The following DOCK8 variants were observed in gnomAD, a reference collection of about 807,000 sequenced individuals.
The protein encoded by DOCK8 is dedicator of cytokinesis protein 8.
DOCK8 carries 141 observed loss-of-function variants against 245.6 expected under a neutral mutation model. That is an observed-to-expected ratio of 0.57 (90% CI 0.50 to 0.66). DOCK8 has a LOEUF of 0.66. Ranked by LOEUF, DOCK8 falls within the 30% of genes least tolerant of loss-of-function variation. The pLI is 0.00. For synonymous variants in DOCK8, 1,168 were observed against 970.2 expected, an observed-to-expected ratio of 1.20 and a Z score of -3.79; for missense variants, 2,965 against 2,603.4, an observed-to-expected ratio of 1.14 and a Z score of -3.02.
In DOCK8 at chr9:338,996, C is replaced by A; in HGVS notation, c.1423-10C>A. On this transcript the variant is annotated splice_polypyrimidine_tract_variant and intron_variant, in intron 12 of 47. Coordinates refer to ENST00000432829, the MANE Select transcript of DOCK8 (RefSeq NM_203447.4). ...TGCATCTACATTAACTCTGACTTTTCTCTTGGCAGGAAGGAGATCGCCTTA... is the reference window on the plus strand; with the variant it reads ...TGCATCTACATTAACTCTGACTTTTATCTTGGCAGGAAGGAGATCGCCTTA... The A allele has an allele frequency of 6.2e-7, 1 of 1,613,810 alleles. No individual in the cohort carries two copies. Among genetic ancestry groups the A allele is most frequent in the Non-Finnish European group, 8.5e-7 (1 of 1,179,764 alleles).
At chr9:360,646 A>G (rs1306767408) in intron 14 of DOCK8, among the ~76,000 whole-genome samples, 3 of 152,198 alleles carry the variant, frequency 2.0e-5, no homozygotes, top group Non-Finnish European at 4.4e-5. Flanking sequence ...TTTACTTTTC[A>G]TATTTTTAGA....
chr9:322,903 G>C (rs2130783690), intron 7 of DOCK8, among the ~76,000 whole-genome samples: 1 of 152,102 alleles, frequency 6.6e-6, no homozygotes, highest in Admixed American at 6.5e-5. Flanking sequence ...GACCAGCCTG[G>C]ACAACATGGT....
chr9:221,088 C>T (rs1007864198), intron 1 of DOCK8, among the ~76,000 whole-genome samples: 2 of 152,028 alleles, frequency 1.3e-5, no homozygotes, highest in East Asian at 3.9e-4. Flanking sequence ...GGGGTATAGA[C>T]GAAAAACAGA....
Position 379,790 on chromosome 9 carries a change from C to T in DOCK8, c.2460C>T (p.Ala820=), listed in dbSNP as rs1410120548. ...AGQTANFSQF[A]FESVVAIANS... ...CCTCAGCCAACTTCTCCCAGTTTGCCTTCGAGTCCGTGGTGGCCATCGCCA... is the reference window on the plus strand; with the variant it reads ...CCTCAGCCAACTTCTCCCAGTTTGCTTTCGAGTCCGTGGTGGCCATCGCCA... The change falls in exon 21 of 48, where the codon GCC becomes GCT. Residue 820 remains alanine, a synonymous_variant. Transcript: ENST00000432829. The T allele has an allele frequency of 6.2e-7, 1 of 1,614,226 alleles. No homozygotes were observed. Among genetic ancestry groups the T allele is most frequent in the Middle Eastern group, 1.6e-4 (1 of 6,062 alleles).
chr9:236,279 T>C (rs2047246514), intron 1 of DOCK8, among the ~76,000 whole-genome samples: 2 of 152,182 alleles, frequency 1.3e-5, no homozygotes, highest in African/African-American at 4.8e-5. Flanking sequence ...ACATGCCAGC[T>C]AACTTTGCTC....
intron 2 of DOCK8, among the ~76,000 whole-genome samples, chr9:274,329 A>G (rs1375553989): frequency 6.6e-6 from 1 of 152,190 alleles, no homozygotes; most frequent in Non-Finnish European, 1.5e-5. Flanking sequence ...AATATCCTTT[A>G]GAATATATTA....
At chr9:282,974 A>G (rs540138897) in intron 2 of DOCK8, among the ~76,000 whole-genome samples, 1 of 152,320 alleles carries the variant, frequency 6.6e-6, no homozygotes, top group African/African-American at 2.4e-5. Context: ...TGAGCAGCCA[A>G]TCTTATGAGA....
chr9:378,122 G>A (rs750848876), intron 20 of DOCK8, among the ~76,000 whole-genome samples: 1 of 152,230 alleles, frequency 6.6e-6, no homozygotes, highest in African/African-American at 2.4e-5. Flanking sequence ...ATGGCAAAGA[G>A]TCAGCAGCAC....
At chr9:448,705 T>G (rs1485716403) in intron 44 of DOCK8, among the ~76,000 whole-genome samples, 1 of 152,168 alleles carries the variant, frequency 6.6e-6, no homozygotes, top group Admixed American at 6.5e-5. Flanking sequence ...TTTCCTCTTC[T>G]CGTAAGGACA....
chr9:244,049 G>A (rs949071531), intron 1 of DOCK8, among the ~76,000 whole-genome samples: 4 of 151,922 alleles, frequency 2.6e-5, no homozygotes, highest in African/African-American at 9.7e-5. Context: ...TTAGCCGGGC[G>A]TGGCGGCGAC....
At chr9:393,426 T>C (rs1329902205) in intron 24 of DOCK8, among the ~76,000 whole-genome samples, 2 of 152,238 alleles carry the variant, frequency 1.3e-5, no homozygotes, top group Non-Finnish European at 2.9e-5. Flanking sequence ...AAGCATCATC[T>C]AATGTAATCA....
chr9:276,169 G>A (rs933471711), intron 2 of DOCK8, among the ~76,000 whole-genome samples: 26 of 152,114 alleles, frequency 1.7e-4, no homozygotes, highest in African/African-American at 6.3e-4. Context: ...GGGATTACAG[G>A]CTTGAGCCAC....
At chr9:426,831 G>C in intron 33 of DOCK8, 54 bp from the exon 34 acceptor site, 1 of 1,452,222 alleles carries the variant, frequency 6.9e-7, no homozygotes, top group South Asian at 1.1e-5. Context: ...TGCCATCATG[G>C]GAACCTGGCC....
rs753810337 is a variant in DOCK8 at position 407,000 on chromosome 9, G to A, written c.3461G>A (p.Arg1154His). Residue 1154 changes from arginine (R) to histidine (H), a missense_variant, in exon 28 of 48, where the codon CGC becomes CAC. Around this residue, in one of 3 missense-constraint regions of DOCK8, gnomAD observed 2,825 missense variants for 2,453.5 expected, o/e 1.15. Transcript: ENST00000432829. Reference sequence around the variant, plus strand: ...ATGTTCGATCTGACTTCCGAGTACCGCCAGCAGCACTTCCTCACCGGGCTC... The same window carrying A: ...ATGTTCGATCTGACTTCCGAGTACCACCAGCAGCACTTCCTCACCGGGCTC... The part of the protein sequence containing the change: ...ASMFDLTSEY[R>H]QQHFLTGLLF... 2.4e-5 allele frequency: 38 copies of A among 1,613,962 alleles called. No individual in the cohort carries two copies. In the South Asian group the frequency reaches 3.0e-4, roughly 13 times the overall value.
At chr9:399,070 A>C (rs781576455) in intron 25 of DOCK8, 76 bp from the exon 26 acceptor site, 4 of 1,376,104 alleles carry the variant, frequency 2.9e-6, no homozygotes, top group Non-Finnish European at 4.1e-6. Flanking sequence ...GTCTCTCCCA[A>C]TGTTCCCACC....
chr9:221,182 G>A (rs1271978748), intron 1 of DOCK8, among the ~76,000 whole-genome samples: 2 of 152,064 alleles, frequency 1.3e-5, no homozygotes, highest in Non-Finnish European at 2.9e-5. Flanking sequence ...TTGGCCTAGG[G>A]TACAAGACAT....
intron 5 of DOCK8, among the ~76,000 whole-genome samples, chr9:309,106 C>T (rs2049981951): frequency 6.6e-6 from 1 of 152,218 alleles, no homozygotes; most frequent in Non-Finnish European, 1.5e-5. Flanking sequence ...CACATTCTTG[C>T]ACACTTGCCA....
intron 1 of DOCK8, among the ~76,000 whole-genome samples, chr9:262,375 G>T (rs144882060): frequency 6.6e-6 from 1 of 151,150 alleles, no homozygotes; most frequent in Admixed American, 6.6e-5. Flanking sequence ...GAACACAAAT[G>T]TTTACAGCAA....
chr9:312,126 G>A lies in DOCK8; in HGVS notation c.701G>A (p.Arg234Lys), dbSNP rs2050147330. The change falls in exon 6 of 48, where the codon AGG becomes AAG. Residue 234 changes from arginine to lysine, a missense_variant. By Grantham distance (26) the Arg-to-Lys change is conservative. This residue lies in a region of DOCK8 where 2,825 missense variants were observed against 2,453.5 expected (regional missense o/e 1.15). Transcript: ENST00000432829. Reference sequence around the variant, plus strand: ...AACGAGGAGGCCCGGAGGACCAATAGGCAGGCCGAGCTCTTTGCCCTTTAC... The same window carrying A: ...AACGAGGAGGCCCGGAGGACCAATAAGCAGGCCGAGCTCTTTGCCCTTTAC... Reference protein sequence around the residue: ...KQNEEARRTNRQAELFALYPS... With the variant: ...KQNEEARRTNKQAELFALYPS... The A allele has an allele frequency of 1.9e-6, 3 of 1,614,214 alleles. No individual in the cohort carries two copies.
Sources: allele counts gnomAD v4.1 joint callset (sites outside exome capture counted in the v4.1 genomes callset), GRCh38; gene constraint gnomAD v4.1.1; regional missense constraint gnomAD v4.1.1; transcripts MANE v1.5; gene names NCBI Gene and HGNC (gene_info 2026-07-23, HGNC 2026-07-21).